Variants in PHF21B observed in about 807,000 individuals in gnomAD.
PHF21B encodes the protein PHD finger protein 4.
Under a neutral mutation model 62.2 loss-of-function variants are expected in PHF21B, and 22 were observed. That is an observed-to-expected ratio of 0.35 (90% CI 0.25 to 0.51). PHF21B has a LOEUF of 0.51. PHF21B is among the 20% of genes least tolerant of loss of function. PHF21B has a pLI of 0.97. For missense variants in PHF21B, 701 were observed against 707.9 expected, an observed-to-expected ratio of 0.99 and a Z score of 0.11; for synonymous variants, 341 against 314.7, an observed-to-expected ratio of 1.08 and a Z score of -0.88.
chr22:44,903,761 A>G (rs1449800008), intron 5 of PHF21B, among the ~76,000 whole-genome samples: 1 of 152,186 alleles, frequency 6.6e-6, no homozygotes, highest in African/African-American at 2.4e-5. Flanking sequence ...TGACTGTTAA[A>G]TTATCTTGAT....
intron 2 of PHF21B, among the ~76,000 whole-genome samples, chr22:44,927,531 C>T (rs1354446237): frequency 2.6e-5 from 4 of 151,512 alleles, no homozygotes; most frequent in African/African-American, 7.3e-5. Flanking sequence ...TTGCAGGGCC[C>T]CCTCCTCACC....
At chr22:44,974,535 C>T (rs2072701435) in intron 2 of PHF21B, among the ~76,000 whole-genome samples, 1 of 152,172 alleles carries the variant, frequency 6.6e-6, no homozygotes, top group African/African-American at 2.4e-5. Flanking sequence ...TACCACCCTG[C>T]ACAAAGTCCT....
rs758193750 is a variant in PHF21B, at chr22:45,009,499, G to T, written c.51C>A (p.His17Gln). The stretch of plus-strand genomic sequence containing the variant: ...GGCCCGGCCCCCGGCCACCTACCTG[G>T]TGGCGCGCGAGTTCCACGGCGAGCG... ...PEALAVELAR[H>Q]QNGDLKKQLH... Residue 17 changes from histidine (H) to glutamine (Q), a missense_variant, in exon 1 of 13, where the codon CAC (histidine) becomes CAA (glutamine). Transcript: ENST00000313237. The surrounding 1 kb of genome is among the most constrained non-coding windows in gnomAD (Gnocchi z 5.9). 4 of 1,551,666 alleles carry T rather than the reference G, an allele frequency of 2.6e-6. No individual in the cohort carries two copies. The African/African-American group carries it at 4.1e-5, about 16-fold the overall frequency.
chr22:44,958,704 C>A (rs762240040), intron 2 of PHF21B, among the ~76,000 whole-genome samples: 7 of 139,690 alleles, frequency 5.0e-5, no homozygotes, highest in Admixed American at 1.6e-4. Flanking sequence ...CTCCTGGGTT[C>A]AAGTGACTCT....
chr22:44,943,630 C>T (rs2072006164), intron 2 of PHF21B, among the ~76,000 whole-genome samples: 1 of 152,160 alleles, frequency 6.6e-6, no homozygotes, highest in African/African-American at 2.4e-5. Context: ...CTGTGCCCCA[C>T]TCCCACCCCC....
chr22:44,924,061 A>G (rs1171141856), intron 2 of PHF21B, among the ~76,000 whole-genome samples: 3 of 39,216 alleles, frequency 7.6e-5, no homozygotes, highest in Non-Finnish European at 9.7e-5. Flanking sequence ...AGAGGGAGGG[A>G]GGGAGGGAGG....
chr22:44,948,323 C>T (rs1052320269), intron 2 of PHF21B, among the ~76,000 whole-genome samples: 19 of 152,134 alleles, frequency 1.2e-4, no homozygotes, highest in Admixed American at 2.6e-4. Context: ...GACAGTGACA[C>T]CCTAAATGTG....
At chr22:44,900,170 T>C (rs1417801159) in intron 5 of PHF21B, among the ~76,000 whole-genome samples, 3 of 152,228 alleles carry the variant, frequency 2.0e-5, no homozygotes, top group Admixed American at 6.5e-5. Flanking sequence ...ATTTAAACTC[T>C]ATTCTGACAT....
intron 7 of PHF21B, among the ~76,000 whole-genome samples, chr22:44,892,172 C>T (rs1230123973): frequency 6.6e-6 from 1 of 152,218 alleles, no homozygotes; most frequent in African/African-American, 2.4e-5. Context: ...GTCTGGAGAA[C>T]ACACCATTTC....
chr22:44,991,535 G>A (rs1356207989), intron 2 of PHF21B, among the ~76,000 whole-genome samples: 2 of 152,192 alleles, frequency 1.3e-5, no homozygotes, highest in Non-Finnish European at 2.9e-5. Context: ...AGGAGAGGCT[G>A]AGAACAGGGA....
In PHF21B at chr22:44,891,367, G is replaced by A. The variant is rs1300343452; in HGVS notation, c.961-7C>T. On this transcript the variant is annotated splice_polypyrimidine_tract_variant and splice_region_variant and intron_variant, in intron 7 of 12. Transcript: ENST00000313237. ...TGGAGGCCAGCCGTTTCCTCTGCAG[G>A]GACAGAAAACAAAACAACACACCCC... The A allele has an allele frequency of 6.2e-7, 1 of 1,613,528 alleles. No homozygotes were observed. The highest frequency in any genetic ancestry group is 1.7e-5 in the Admixed American group (1 of 59,936).
chr22:44,936,293 C>T (rs1158082552), intron 2 of PHF21B, among the ~76,000 whole-genome samples: 1 of 152,244 alleles, frequency 6.6e-6, no homozygotes, highest in Non-Finnish European at 1.5e-5. Flanking sequence ...GGGGAAGCTG[C>T]AGGTCCCGCC....
chr22:44,888,073 T>G lies in PHF21B; in HGVS notation c.1087A>C (p.Asn363His). ...GGGCAGGTGCCGCAGGGCTGCAGGT[T>G]GGCCCCTCGCTTGCAGGCGGCACAG... Reference protein sequence around the residue: ...EHCAACKRGANLQPCGTCPGA... With the variant: ...EHCAACKRGAHLQPCGTCPGA... The change falls in exon 10 of 13, where the codon AAC becomes CAC. Residue 363 changes from asparagine (N) to histidine (H), a missense_variant. Coordinates refer to ENST00000313237, the MANE Select transcript of PHF21B (RefSeq NM_138415.5). 6.5e-7 allele frequency: 1 copy of G among 1,548,828 alleles called. No individual in the cohort carries two copies. Among genetic ancestry groups the G allele is most frequent in the South Asian group, 1.2e-5 (1 of 83,724 alleles).
At chr22:44,928,109 C>T (rs9614987) in intron 2 of PHF21B, among the ~76,000 whole-genome samples, 50,212 of 151,976 alleles carry the variant, frequency 0.33, 9,523 homozygotes, top group Non-Finnish European at 0.42. Context: ...TGTTTCTGAG[C>T]GCTCTAGGGA....
At chr22:44,944,861 G>A (rs776508678) in intron 2 of PHF21B, among the ~76,000 whole-genome samples, 2 of 114,196 alleles carry the variant, frequency 1.8e-5, no homozygotes, top group Non-Finnish European at 3.6e-5. Context: ...GAAGGACTTG[G>A]GGAAGGAAAG....
intron 2 of PHF21B, among the ~76,000 whole-genome samples, chr22:44,959,288 G>A (rs1393945110): frequency 1.3e-5 from 2 of 152,124 alleles, no homozygotes; most frequent in East Asian, 3.9e-4. Flanking sequence ...ATTTTGCCCC[G>A]ACCCATCTTC....
At chr22:44,944,368 C>T (rs748839092) in intron 2 of PHF21B, among the ~76,000 whole-genome samples, 1 of 152,326 alleles carries the variant, frequency 6.6e-6, no homozygotes, top group Non-Finnish European at 1.5e-5. Context: ...CTGGGAGGGG[C>T]ACTATGGCAT....
rs1486606111 is a variant in PHF21B, at chr22:44,882,440, GAC to G, written c.*644_*645del. The G allele has an allele frequency of 6.5e-6, 1 of 152,786 alleles. No individual in the cohort carries two copies. The highest frequency in any genetic ancestry group is 1.5e-5 in the Non-Finnish European group (1 of 68,190). 9.5% of individuals were successfully genotyped at this position (152,786 alleles called of 1,614,324 possible). On this transcript the variant is annotated 3_prime_UTR_variant, in exon 13 of 13. Transcript: ENST00000313237. Reference sequence around the variant, plus strand: ...TCCCGGCGCCCAGATGCTCACCTCCGACAGTGTCTTTCAAGTTAAACAGCTGC... The same window carrying G: ...TCCCGGCGCCCAGATGCTCACCTCCGAGTGTCTTTCAAGTTAAACAGCTGC...
intron 2 of PHF21B, among the ~76,000 whole-genome samples, chr22:44,923,331 C>CAAAAAAAAAAAA (rs34100382): frequency 1.6e-5 from 2 of 125,112 alleles, no homozygotes; most frequent in Non-Finnish European, 1.7e-5. Context: ...CATACCATAT[C>CAAAAAAAAAAAA]AAAAAAAAAA....
Sources: allele counts gnomAD v4.1 joint callset (sites outside exome capture counted in the v4.1 genomes callset), GRCh38; gene constraint gnomAD v4.1.1; non-coding constraint Gnocchi (gnomAD v3.1); transcripts MANE v1.5; gene names NCBI Gene and HGNC (gene_info 2026-07-23, HGNC 2026-07-21).